Variants in FOLH1 observed in about 807,000 individuals in gnomAD.
FOLH1 encodes folate hydrolase 1.
A neutral mutation model predicts 93.9 loss-of-function variants in FOLH1; 54 were observed. The observed-to-expected ratio is 0.57, with a 90% CI of 0.46 to 0.72. The LOEUF (loss-of-function observed/expected upper bound fraction) is 0.72, where lower values mean the gene tolerates loss of function less well. Among genes scored for constraint, FOLH1 ranks in the 30% least tolerant of loss-of-function variants. The pLI, the probability that FOLH1 is intolerant of heterozygous loss-of-function variation, is 0.00. For synonymous variants in FOLH1, 249 were observed against 303.6 expected (o/e 0.82, Z 1.87); for missense variants, 571 against 892.5 (o/e 0.64, Z 4.59).
chr11:49,164,532 G>A (rs1378167352), intron 13 of FOLH1, among the ~76,000 whole-genome samples, 173 bp downstream of exon 13: 1 of 152,050 alleles, frequency 6.6e-6, no homozygotes. Flanking sequence ...GAGAAATGAG[G>A]CAATCTGTGT....
chr11:49,176,779 CA>C (rs1355019808), intron 7 of FOLH1, among the ~76,000 whole-genome samples: 1 of 149,516 alleles, frequency 6.7e-6, no homozygotes, highest in Non-Finnish European at 1.5e-5. Flanking sequence ...AGCTGTAAGG[CA>C]AAAACAGACT....
At chr11:49,183,116 C>T (rs368097967) in intron 7 of FOLH1, 33 bp downstream of exon 7, 1 of 1,547,654 alleles carries the variant, frequency 6.5e-7, no homozygotes, top group Non-Finnish European at 8.7e-7. Context: ...GAAAATTACC[C>T]AAATAGCCAT....
intron 11 of FOLH1, 84 bp downstream of exon 11, chr11:49,171,111 A>G: frequency 7.1e-7 from 1 of 1,399,894 alleles, no homozygotes; most frequent in Non-Finnish European, 9.5e-7. Context: ...CATTATATTC[A>G]CTTCTTATTT....
Position 49,157,944 on chromosome 11 carries a change from T to G in FOLH1, c.1532+8A>C, listed in dbSNP as rs763128370. 2 of 1,571,606 alleles carry G rather than the reference T, an allele frequency of 1.3e-6. No individual in the cohort carries two copies. Among genetic ancestry groups the G allele is most frequent in the Admixed American group, 3.6e-5 (2 of 54,870 alleles). On this transcript the variant is annotated splice_region_variant and intron_variant, in intron 14 of 18. Coordinates refer to ENST00000256999, the MANE Select transcript of FOLH1 (RefSeq NM_004476.3). Reference sequence around the variant, plus strand: ...TGAATTCAGTGGAAACTTCATTCATTTGTTTACCTGGGCATGCCACTGAAC... The same window carrying G: ...TGAATTCAGTGGAAACTTCATTCATGTGTTTACCTGGGCATGCCACTGAAC...
In FOLH1 at chr11:49,158,102, A is replaced by C; in HGVS notation, c.1441-59T>G. The C allele has an allele frequency of 4.7e-6, 7 of 1,479,588 alleles. No individual in the cohort carries two copies. In the South Asian group the frequency reaches 8.3e-5, roughly 17 times the overall value. The allele number at this position is 1,479,588 out of a possible 1,614,324, so 91.7% of individuals were successfully genotyped here. Reference sequence around the variant, plus strand: ...ACAAATCAGATATATTAAAAACTAGATGTCCATTAACCAGAAGTGAGTAAC... The same window carrying C: ...ACAAATCAGATATATTAAAAACTAGCTGTCCATTAACCAGAAGTGAGTAAC... On this transcript the variant is annotated intron_variant, in intron 13 of 18. Coordinates refer to ENST00000256999, the MANE Select transcript of FOLH1 (RefSeq NM_004476.3).
At chr11:49,192,649 C>T in intron 4 of FOLH1, 144 bp downstream of exon 4, 1 of 494,476 alleles carries the variant, frequency 2.0e-6, no homozygotes, top group Non-Finnish European at 3.4e-6. Context: ...CTTCTTCTTA[C>T]TAAGACATTC....
chr11:49,156,990 A>T (rs1857106624), intron 14 of FOLH1, among the ~76,000 whole-genome samples, 183 bp from the exon 15 acceptor site: 1 of 152,184 alleles, frequency 6.6e-6, no homozygotes, highest in Non-Finnish European at 1.5e-5. Context: ...TCCTTCTATG[A>T]GACTATTTCG....
At chr11:49,174,585 ACT>A (rs975428756) in intron 9 of FOLH1, among the ~76,000 whole-genome samples, 6 of 151,668 alleles carry the variant, frequency 4.0e-5, no homozygotes, top group Non-Finnish European at 7.4e-5. Context: ...AATTCAGAAA[ACT>A]CGGAAGAAAA....
chr11:49,160,248 T>C (rs543562658), intron 13 of FOLH1, among the ~76,000 whole-genome samples: 24 of 152,236 alleles, frequency 1.6e-4, no homozygotes, highest in Non-Finnish European at 3.2e-4. Context: ...AGCACTCTAT[T>C]TTTTATTAAT....
chr11:49,185,549 T>C (rs576976849), intron 6 of FOLH1, 120 bp downstream of exon 6: 15 of 1,289,398 alleles, frequency 1.2e-5, no homozygotes, highest in Non-Finnish European at 2.1e-6. Flanking sequence ...AATTCTTTCA[T>C]TCTTAAATGC....
At chr11:49,197,924 A>C (rs1361012382) in intron 3 of FOLH1, among the ~76,000 whole-genome samples, 2 of 152,324 alleles carry the variant, frequency 1.3e-5, no homozygotes, top group Non-Finnish European at 2.9e-5. Flanking sequence ...CAAGGCACTC[A>C]GGAAAATTAT....
chr11:49,190,896 G>C (rs1421418372), intron 4 of FOLH1, among the ~76,000 whole-genome samples: 3 of 152,138 alleles, frequency 2.0e-5, no homozygotes, highest in African/African-American at 4.8e-5. Context: ...ATTTAAAATA[G>C]CTAAAAAATA....
chr11:49,190,266 T>C (rs555478256), intron 4 of FOLH1, among the ~76,000 whole-genome samples: 1 of 152,186 alleles, frequency 6.6e-6, no homozygotes, highest in African/African-American at 2.4e-5. Context: ...CTGAAAAACA[T>C]ATTAGCTTAA....
chr11:49,157,951 C>A lies in FOLH1; in HGVS notation c.1532+1G>T. The A allele has an allele frequency of 6.3e-7, 1 of 1,576,592 alleles. No individual in the cohort carries two copies. The highest frequency in any genetic ancestry group is 8.6e-7 in the Non-Finnish European group (1 of 1,159,722). On this transcript the variant is annotated splice_donor_variant, in intron 14 of 18. Transcript: ENST00000256999. LOFTEE classifies it high-confidence loss of function. ...AGTGGAAACTTCATTCATTTGTTTA[C>A]CTGGGCATGCCACTGAACTCTGGGG...
At chr11:49,202,689 C>G (rs854990) in intron 2 of FOLH1, among the ~76,000 whole-genome samples, 1 of 151,860 alleles carries the variant, frequency 6.6e-6, no homozygotes, top group Admixed American at 6.6e-5. Context: ...GTTTCTGTTT[C>G]AGTACATTTC....
At chr11:49,198,668 C>A (rs1199553486) in intron 3 of FOLH1, among the ~76,000 whole-genome samples, 1 of 151,974 alleles carries the variant, frequency 6.6e-6, no homozygotes, top group Admixed American at 6.6e-5. Context: ...CGGTATTTAA[C>A]TGTATAGATA....
intron 12 of FOLH1, among the ~76,000 whole-genome samples, chr11:49,165,620 TG>T (rs1858292443): frequency 6.6e-6 from 1 of 152,110 alleles, no homozygotes; most frequent in Non-Finnish European, 1.5e-5. Flanking sequence ...AGGACACAGT[TG>T]GGGGGAAAAA....
chr11:49,174,984 C>T lies in FOLH1; in HGVS notation c.1020-7G>A, dbSNP rs765040884. On this transcript the variant is annotated splice_polypyrimidine_tract_variant and splice_region_variant and intron_variant, in intron 8 of 18. Transcript: ENST00000256999. ...GATGTGCATCTTGACTTTTCTAATG[C>T]AAAAATAAAAGACATTCTTAAAAAA... is the stretch of plus-strand genomic sequence containing the variant. 1.9e-6 allele frequency: 3 copies of T among 1,596,744 alleles called. No homozygotes were observed. The South Asian group carries it at 3.4e-5, about 18-fold the overall frequency.
At chr11:49,152,678 T>C in intron 17 of FOLH1, among the ~76,000 whole-genome samples, 1 of 152,284 alleles carries the variant, frequency 6.6e-6, no homozygotes, top group Non-Finnish European at 1.5e-5. Flanking sequence ...TTTTATAATG[T>C]ATATATTACT....
Sources: gnomAD v4.1 joint callset for allele counts (sites outside exome capture counted in the v4.1 genomes callset) on GRCh38, gnomAD v4.1.1 for gene constraint, MANE v1.5 for transcripts, NCBI Gene and HGNC (gene_info 2026-07-23, HGNC 2026-07-21) for gene names.